Variants in ATXN1 observed in about 807,000 individuals in gnomAD.
ATXN1 encodes ataxin-1.
A neutral mutation model predicts 56.4 loss-of-function variants in ATXN1; 8 were observed. The ratio of observed to expected loss-of-function variants is 0.14; its 90% CI spans 0.08 to 0.26. ATXN1 has a LOEUF of 0.26. Among genes scored for constraint, ATXN1 ranks in the 10% least tolerant of loss-of-function variants. The pLI is 1.00. For missense variants in ATXN1, 987 were observed against 1,106.5 expected (o/e 0.89, Z 1.53); for synonymous variants, 514 against 494.6 (o/e 1.04, Z -0.52).
chr6:16,670,420 G>A (rs1023679039), intron 2 of ATXN1, among the ~76,000 whole-genome samples: 3 of 152,152 alleles, frequency 2.0e-5, no homozygotes, highest in Non-Finnish European at 4.4e-5. Flanking sequence ...TATCACTAAA[G>A]AGGAAGGGGG....
chr6:16,384,437 T>C (rs1335973846), intron 6 of ATXN1, among the ~76,000 whole-genome samples: 1 of 152,204 alleles, frequency 6.6e-6, no homozygotes, highest in Admixed American at 6.5e-5. Context: ...AGCCTAACAC[T>C]TCATTCACCA....
intron 5 of ATXN1, among the ~76,000 whole-genome samples, chr6:16,513,218 A>G (rs1421251134): frequency 6.6e-6 from 1 of 152,350 alleles, no homozygotes; most frequent in Non-Finnish European, 1.5e-5. Context: ...GTCCTTTCAA[A>G]CAATATACAA....
intron 2 of ATXN1, chr6:16,667,191 C>CA (rs1392144887): frequency 5.9e-5 from 9 of 152,198 alleles, no homozygotes; most frequent in African/African-American, 2.2e-4. Flanking sequence ...AATGTACCCA[C>CA]AAGTGACAGA....
intron 6 of ATXN1, among the ~76,000 whole-genome samples, chr6:16,430,302 A>G (rs1759251774): frequency 6.6e-6 from 1 of 150,664 alleles, no homozygotes; most frequent in South Asian, 2.1e-4. Context: ...AACAACAATG[A>G]AAAGAAGGCA....
intron 6 of ATXN1, among the ~76,000 whole-genome samples, chr6:16,468,302 C>A (rs572044158): frequency 6.6e-5 from 10 of 152,376 alleles, no homozygotes; most frequent in African/African-American, 2.2e-4. Context: ...TCTCCCGCCT[C>A]AGCCTCCTGA....
At chr6:16,750,270 C>T (rs1325957103) in intron 2 of ATXN1, among the ~76,000 whole-genome samples, 1 of 152,216 alleles carries the variant, frequency 6.6e-6, no homozygotes, top group Non-Finnish European at 1.5e-5. Flanking sequence ...TCCATTCCCA[C>T]AGCACCATGC....
intron 3 of ATXN1, among the ~76,000 whole-genome samples, chr6:16,596,514 C>T (rs1762818148): frequency 6.6e-6 from 1 of 152,176 alleles, no homozygotes; most frequent in South Asian, 2.1e-4. Flanking sequence ...TTCTCCACAA[C>T]TACAAAAATC....
In ATXN1 at chr6:16,359,661, C is replaced by T. The variant is rs143209272; in HGVS notation, c.-160-31191G>A. On this transcript the variant is annotated intron_variant, in intron 6 of 7. Transcript: ENST00000436367. ...GGGACGATCTGCTTATAGAGAGGAG[C>T]TCCCCACTCCTCCGAGTTGTTCTAA... Among the ~76,000 whole-genome samples the T allele has an allele frequency of 9.2e-5, 14 of 152,268 alleles. No homozygotes were observed. In the East Asian group the frequency reaches 2.5e-3, roughly 27 times the overall value.
intron 6 of ATXN1, among the ~76,000 whole-genome samples, chr6:16,364,987 T>G (rs865991743): frequency 1.3e-5 from 2 of 152,166 alleles, no homozygotes; most frequent in Non-Finnish European, 2.9e-5. Context: ...GCTAGAGGTA[T>G]ACCCAGGAGA....
chr6:16,545,392 T>TA (rs1465305288), intron 4 of ATXN1, among the ~76,000 whole-genome samples: 4 of 146,194 alleles, frequency 2.7e-5, no homozygotes, highest in African/African-American at 1.0e-4. Flanking sequence ...GGATTTCTTG[T>TA]CTTTTTTTTT....
intron 6 of ATXN1, among the ~76,000 whole-genome samples, chr6:16,459,387 A>G (rs183310793): frequency 6.6e-6 from 1 of 152,184 alleles, no homozygotes; most frequent in East Asian, 1.9e-4. Flanking sequence ...GGATTACAGG[A>G]TATTGTTATA....
intron 6 of ATXN1, among the ~76,000 whole-genome samples, chr6:16,358,448 T>C (rs179980): frequency 0.7 from 106,857 of 152,152 alleles, 38,319 homozygotes; most frequent in East Asian, 1. Flanking sequence ...TGTATGTATA[T>C]ATCACAGAAT....
chr6:16,677,010 T>A (rs1011168078), intron 2 of ATXN1, among the ~76,000 whole-genome samples: 12 of 152,204 alleles, frequency 7.9e-5, no homozygotes, highest in African/African-American at 2.7e-4. Flanking sequence ...TATTTTCACT[T>A]AACTAGTTAA....
chr6:16,414,403 C>A (rs1758862014), intron 6 of ATXN1, among the ~76,000 whole-genome samples: 1 of 152,222 alleles, frequency 6.6e-6, no homozygotes. Flanking sequence ...GGCCTTCATT[C>A]TCTCTCCACT....
intron 7 of ATXN1, among the ~76,000 whole-genome samples, chr6:16,312,538 T>A (rs1760415948): frequency 6.6e-6 from 1 of 151,830 alleles, no homozygotes; most frequent in Non-Finnish European, 1.5e-5. Context: ...TATAAACAAC[T>A]AACTATATAT....
intron 5 of ATXN1, among the ~76,000 whole-genome samples, chr6:16,494,134 ACTGAGAGGCATCTCCAGTGCAGGGCTG>A (rs1760727105): frequency 6.6e-6 from 1 of 150,506 alleles, no homozygotes; most frequent in Admixed American, 6.6e-5. Flanking sequence ...GCAGGGCTGG[ACTGAGAGGCATCTCCAGTGCAGGGCTG>A]GACTGAGAGT....
chr6:16,468,336 C>A (rs543245009), intron 6 of ATXN1, among the ~76,000 whole-genome samples: 8 of 152,300 alleles, frequency 5.3e-5, no homozygotes, highest in African/African-American at 1.7e-4. Context: ...CAGGCGCATG[C>A]CACCACGCGT....
intron 6 of ATXN1, among the ~76,000 whole-genome samples, chr6:16,484,238 G>A (rs1760495507): frequency 6.6e-6 from 1 of 152,072 alleles, no homozygotes; most frequent in South Asian, 2.1e-4. Context: ...TTCAAGACCA[G>A]CCTGAGCAAC....
intron 4 of ATXN1, among the ~76,000 whole-genome samples, chr6:16,551,577 T>C (rs1761921084): frequency 6.6e-6 from 1 of 152,232 alleles, no homozygotes; most frequent in Non-Finnish European, 1.5e-5. Flanking sequence ...GCTGAGTAAT[T>C]TGAGTTGATT....
Sources: gnomAD v4.1 joint callset for allele counts (sites outside exome capture counted in the v4.1 genomes callset) on GRCh38, gnomAD v4.1.1 for gene constraint, MANE v1.5 for transcripts, NCBI Gene and HGNC (gene_info 2026-07-23, HGNC 2026-07-21) for gene names.